The following CSMD1 variants were observed in gnomAD, a reference collection of about 807,000 sequenced individuals.
CSMD1 encodes the protein CUB and sushi domain-containing protein 1.
A neutral mutation model predicts 417.5 loss-of-function variants in CSMD1; 213 were observed. That is an observed-to-expected ratio of 0.51 (90% CI 0.46 to 0.57). The LOEUF (loss-of-function observed/expected upper bound fraction) is 0.57. CSMD1 is among the 20% of genes least tolerant of loss of function. The probability of loss-of-function intolerance (pLI) is 0.00; values close to 1 mark genes in which losing one functional copy is unlikely to be tolerated. For missense variants in CSMD1, 6,923 were observed against 4,529.7 expected (o/e 1.53, Z -15.17); for synonymous variants, 2,862 against 1,736.8 (o/e 1.65, Z -16.11).
intron 10 of CSMD1, among the ~76,000 whole-genome samples, chr8:3,535,929 C>T (rs1481100851): frequency 6.6e-6 from 1 of 152,128 alleles, no homozygotes; most frequent in African/African-American, 2.4e-5. Context: ...TCAAGGCTAG[C>T]AGGAGAAGCC....
chr8:3,758,849 T>A (rs1797824724), intron 5 of CSMD1, among the ~76,000 whole-genome samples: 1 of 152,110 alleles, frequency 6.6e-6, no homozygotes, highest in African/African-American at 2.4e-5. Context: ...TATACTAGAT[T>A]ATTGAGTGGG....
At chr8:4,035,562 C>A (rs1797573922) in intron 3 of CSMD1, among the ~76,000 whole-genome samples, 1 of 152,102 alleles carries the variant, frequency 6.6e-6, no homozygotes, top group South Asian at 2.1e-4. Context: ...CCGTGCAGGC[C>A]TAGGCTAGGG....
chr8:4,216,815 C>T (rs987843112), intron 3 of CSMD1, among the ~76,000 whole-genome samples: 1 of 152,098 alleles, frequency 6.6e-6, no homozygotes, highest in Non-Finnish European at 1.5e-5. Flanking sequence ...AATTCCAACA[C>T]AAGAAAGAGG....
chr8:4,526,462 T>A (rs1430666157), intron 2 of CSMD1, among the ~76,000 whole-genome samples: 1 of 152,218 alleles, frequency 6.6e-6, no homozygotes, highest in African/African-American at 2.4e-5. Context: ...TGCTAGATGA[T>A]TTTTTACATC....
chr8:3,122,556 G>C (rs1274006971), intron 41 of CSMD1, among the ~76,000 whole-genome samples: 1 of 152,174 alleles, frequency 6.6e-6, no homozygotes, highest in Non-Finnish European at 1.5e-5. Flanking sequence ...CAAATGTTGT[G>C]AATGTGGGAG....
intron 52 of CSMD1, among the ~76,000 whole-genome samples, chr8:3,012,136 T>A (rs973899938): frequency 6.6e-6 from 1 of 152,160 alleles, no homozygotes; most frequent in Non-Finnish European, 1.5e-5. Context: ...CTAAATTTTA[T>A]ACTAATGTAC....
chr8:3,281,302 G>C (rs900952155), intron 26 of CSMD1, among the ~76,000 whole-genome samples: 1 of 151,804 alleles, frequency 6.6e-6, no homozygotes, highest in Non-Finnish European at 1.5e-5. Context: ...AAAATAGCCA[G>C]GTGTGTTGGT....
At chr8:2,997,942 T>C in intron 54 of CSMD1, 69 bp downstream of exon 54, 1 of 1,448,876 alleles carries the variant, frequency 6.9e-7, no homozygotes, top group Non-Finnish European at 9.4e-7. Context: ...AGACAGGCTC[T>C]TGATGGTGTT....
At chr8:4,762,774 C>G (rs1276763764) in intron 1 of CSMD1, among the ~76,000 whole-genome samples, 2 of 152,138 alleles carry the variant, frequency 1.3e-5, no homozygotes. Context: ...CTCCTCTGAG[C>G]TCTTTGAAAT....
chr8:3,360,079 G>A (rs1007275637), intron 20 of CSMD1, among the ~76,000 whole-genome samples: 1 of 152,242 alleles, frequency 6.6e-6, no homozygotes, highest in African/African-American at 2.4e-5. Flanking sequence ...TATGTTTCTG[G>A]AAATCTTATC....
intron 5 of CSMD1, among the ~76,000 whole-genome samples, chr8:3,843,475 C>T (rs987986028): frequency 2.0e-5 from 3 of 151,976 alleles, no homozygotes; most frequent in Non-Finnish European, 2.9e-5. Flanking sequence ...ACAAATTACA[C>T]TCGGACTTTG....
chr8:3,038,912 C>T (rs980818797), intron 50 of CSMD1, among the ~76,000 whole-genome samples: 7 of 152,250 alleles, frequency 4.6e-5, no homozygotes, highest in Admixed American at 2.0e-4. Flanking sequence ...TGGAGACAAG[C>T]CATAAAAACC....
At chr8:3,773,459 G>C (rs1203121110) in intron 5 of CSMD1, among the ~76,000 whole-genome samples, 1 of 152,002 alleles carries the variant, frequency 6.6e-6, no homozygotes, top group Non-Finnish European at 1.5e-5. Context: ...GCTAATTATT[G>C]TATTTTTTGT....
At chr8:4,540,786 A>G (rs965299737) in intron 2 of CSMD1, among the ~76,000 whole-genome samples, 7 of 152,086 alleles carry the variant, frequency 4.6e-5, no homozygotes, top group African/African-American at 1.4e-4. Context: ...CCAGTGAGGT[A>G]CCTTCTGTTA....
At chr8:3,432,702 G>A (rs965233296) in intron 12 of CSMD1, among the ~76,000 whole-genome samples, 9 of 152,200 alleles carry the variant, frequency 5.9e-5, no homozygotes, top group African/African-American at 1.7e-4. Context: ...TTTTAGTACA[G>A]ATGGGGTTTC....
intron 3 of CSMD1, among the ~76,000 whole-genome samples, chr8:4,062,954 A>G (rs569283667): frequency 6.6e-6 from 1 of 152,176 alleles, no homozygotes; most frequent in Admixed American, 6.6e-5. Flanking sequence ...GCTGTTAACA[A>G]CATCATCCAG....
At chr8:4,331,961 T>C (rs1164272433) in intron 3 of CSMD1, among the ~76,000 whole-genome samples, 1 of 152,208 alleles carries the variant, frequency 6.6e-6, no homozygotes, top group African/African-American at 2.4e-5. Flanking sequence ...GAATTCATTT[T>C]CATTTTTATG....
chr8:3,159,167 G>C (rs1355834835), intron 38 of CSMD1, among the ~76,000 whole-genome samples: 2 of 152,064 alleles, frequency 1.3e-5, no homozygotes, highest in African/African-American at 2.4e-5. Context: ...GAAAAACATA[G>C]AGTTCAAAAG....
At chr8:3,353,596 G>A (rs760697143) in intron 21 of CSMD1, among the ~76,000 whole-genome samples, 1 of 152,178 alleles carries the variant, frequency 6.6e-6, no homozygotes, top group Admixed American at 6.5e-5. Context: ...CTGACATTAA[G>A]TAAAGAGCAA....
Sources: allele counts gnomAD v4.1 joint callset (sites outside exome capture counted in the v4.1 genomes callset), GRCh38; gene constraint gnomAD v4.1.1; transcripts MANE v1.5; gene names NCBI Gene and HGNC (gene_info 2026-07-23, HGNC 2026-07-21).